Variants in TMEM132B observed in about 807,000 individuals in gnomAD.
TMEM132B encodes the protein transmembrane protein 132B.
Under a neutral mutation model 90.8 loss-of-function variants are expected in TMEM132B, and 18 were observed. The ratio of observed to expected loss-of-function variants is 0.20; its 90% CI spans 0.14 to 0.29. TMEM132B has a LOEUF of 0.29. TMEM132B is among the 10% of genes least tolerant of loss of function. The pLI, the probability that TMEM132B is intolerant of heterozygous loss-of-function variation, is 1.00. For synonymous variants in TMEM132B, 504 were observed against 523.3 expected (o/e 0.96, Z 0.50); for missense variants, 1,096 against 1,326.8 (o/e 0.83, Z 2.70).
At chr12:125,487,849 G>A (rs4765258) in intron 3 of TMEM132B, among the ~76,000 whole-genome samples, 44,027 of 151,972 alleles carry the variant, frequency 0.29, 6,655 homozygotes, top group East Asian at 0.51. Flanking sequence ...TTCAAGGCCA[G>A]TCTCACATTC....
intron 4 of TMEM132B, among the ~76,000 whole-genome samples, chr12:125,547,411 A>G (rs1884118902): frequency 6.6e-6 from 1 of 152,052 alleles, no homozygotes; most frequent in Admixed American, 6.5e-5. Context: ...ATGTCTTTTC[A>G]TGTGCTTTTG....
chr12:125,475,174 G>A (rs551358313), intron 3 of TMEM132B, among the ~76,000 whole-genome samples: 1 of 152,110 alleles, frequency 6.6e-6, no homozygotes, highest in African/African-American at 2.4e-5. Flanking sequence ...GTGTGTGTTG[G>A]GGGGAAGAGG....
intron 4 of TMEM132B, among the ~76,000 whole-genome samples, chr12:125,549,808 A>G (rs1884175263): frequency 6.6e-6 from 1 of 152,192 alleles, no homozygotes; most frequent in Non-Finnish European, 1.5e-5. Context: ...GATTTTGAAC[A>G]CCCAGTAGAC....
At chr12:125,332,927 G>C (rs887079617) in intron 1 of TMEM132B, among the ~76,000 whole-genome samples, 1 of 152,194 alleles carries the variant, frequency 6.6e-6, no homozygotes, top group South Asian at 2.1e-4. Flanking sequence ...AGACTAGCCA[G>C]GATGAATGAT....
At chr12:125,563,383 C>T (rs984924517) in intron 4 of TMEM132B, among the ~76,000 whole-genome samples, 6 of 151,886 alleles carry the variant, frequency 4.0e-5, no homozygotes, top group African/African-American at 7.2e-5. Flanking sequence ...CTGAGGTGGG[C>T]GGATCACGAG....
At position 125,186,489 on chromosome 12, in the gene TMEM132B, C is replaced by CGCGGCGGCG. The variant is rs1235218002; in HGVS notation, c.-300_-292dup. Among the ~76,000 whole-genome samples the CGCGGCGGCG allele has an allele frequency of 6.9e-6, 1 of 145,912 alleles. No homozygotes were observed. Among genetic ancestry groups the CGCGGCGGCG allele is most frequent in the Non-Finnish European group, 1.5e-5 (1 of 65,614 alleles). ...GGGACGGGCGCTGGGGCGCAGGAGC[C>CGCGGCGGCG]GCGGCGGCGGCGGCGGCGGGGGCCG... On this transcript the variant is annotated 5_prime_UTR_variant, in exon 1 of 9. Coordinates refer to ENST00000682704, the MANE Select transcript of TMEM132B (RefSeq NM_001366854.1). The surrounding 1 kb of genome is among the most constrained non-coding windows in gnomAD (Gnocchi z 6.3).
chr12:125,213,107 C>T lies in TMEM132B; in HGVS notation c.67+26241C>T, dbSNP rs1181821041. On this transcript the variant is annotated intron_variant, in intron 1 of 8. Transcript: ENST00000682704. The surrounding 1 kb of genome is among the most constrained non-coding windows in gnomAD (Gnocchi z 4.2). ...TACTGCCTTCAACCCCTGGCAAATACGCTTCTACTTTCTATTCTATGGATG... is the reference window on the plus strand; with the variant it reads ...TACTGCCTTCAACCCCTGGCAAATATGCTTCTACTTTCTATTCTATGGATG... Among the ~76,000 whole-genome samples, 3 of 152,200 alleles carry T rather than the reference C, an allele frequency of 2.0e-5. No individual in the cohort carries two copies. The highest frequency in any genetic ancestry group is 2.1e-4 in the South Asian group (1 of 4,822).
intron 4 of TMEM132B, among the ~76,000 whole-genome samples, chr12:125,568,755 G>A (rs1250156669): frequency 5.9e-5 from 9 of 152,164 alleles, no homozygotes; most frequent in East Asian, 1.9e-4. Flanking sequence ...CTAAAGAAGC[G>A]GGTGTGTAGC....
At chr12:125,296,028 G>A (rs983855110) in intron 1 of TMEM132B, among the ~76,000 whole-genome samples, 6 of 152,144 alleles carry the variant, frequency 3.9e-5, no homozygotes, top group Non-Finnish European at 8.8e-5. Context: ...AAAAAGAAAA[G>A]GTTGCCCTTG....
At chr12:125,287,680 C>G (rs7134305) in intron 1 of TMEM132B, among the ~76,000 whole-genome samples, 20,783 of 152,194 alleles carry the variant, frequency 0.14, 1,591 homozygotes, top group African/African-American at 0.2. Context: ...TGCATAGTCT[C>G]TCTCCAAAGG....
At chr12:125,448,124 C>A (rs2136442377) in intron 3 of TMEM132B, among the ~76,000 whole-genome samples, 1 of 152,128 alleles carries the variant, frequency 6.6e-6, no homozygotes, top group South Asian at 2.1e-4. Flanking sequence ...ATTAGCTGGG[C>A]ATGATGGTGG....
At chr12:125,549,458 G>A (rs1884167199) in intron 4 of TMEM132B, among the ~76,000 whole-genome samples, 2 of 152,172 alleles carry the variant, frequency 1.3e-5, no homozygotes, top group African/African-American at 4.8e-5. Context: ...AAGAAAGAAG[G>A]TAGAAAACAT....
chr12:125,454,883 G>T (rs1019981058), intron 3 of TMEM132B, among the ~76,000 whole-genome samples: 1 of 152,014 alleles, frequency 6.6e-6, no homozygotes, highest in African/African-American at 2.4e-5. Context: ...ATACTTTTTT[G>T]GTCCCTGAGA....
At chr12:125,242,149 C>T (rs1461509466) in intron 1 of TMEM132B, among the ~76,000 whole-genome samples, 1 of 152,150 alleles carries the variant, frequency 6.6e-6, no homozygotes, top group Non-Finnish European at 1.5e-5. Flanking sequence ...CCTAGTATCA[C>T]CCCCATTTTT....
chr12:125,199,087 G>A (rs567639317), intron 1 of TMEM132B, among the ~76,000 whole-genome samples: 11 of 152,366 alleles, frequency 7.2e-5, no homozygotes, highest in African/African-American at 2.4e-4. Flanking sequence ...GCAGGTGTGT[G>A]TGCTGTTTCA....
chr12:125,205,532 G>A (rs1873160946), intron 1 of TMEM132B, among the ~76,000 whole-genome samples: 1 of 152,236 alleles, frequency 6.6e-6, no homozygotes, highest in Non-Finnish European at 1.5e-5. Flanking sequence ...AGCCCTTTAT[G>A]TGGAGCATCT....
intron 5 of TMEM132B, chr12:125,622,492 A>G (rs192048117): frequency 1.0e-6 from 1 of 985,384 alleles, no homozygotes; most frequent in East Asian, 1.1e-4. Flanking sequence ...GCTGGAAAGG[A>G]CTCACAGTCA....
intron 3 of TMEM132B, among the ~76,000 whole-genome samples, chr12:125,512,494 G>T (rs561231394): frequency 1.3e-5 from 2 of 152,304 alleles, no homozygotes; most frequent in South Asian, 4.1e-4. Context: ...CAGAAATGCT[G>T]TAAAGGAACC....
At chr12:125,599,124 C>T (rs925332703) in intron 5 of TMEM132B, among the ~76,000 whole-genome samples, 1 of 152,110 alleles carries the variant, frequency 6.6e-6, no homozygotes, top group African/African-American at 2.4e-5. Context: ...ATAGGAGGGA[C>T]CTAGTGGGAG....
Sources: gnomAD v4.1 joint callset for allele counts (sites outside exome capture counted in the v4.1 genomes callset) on GRCh38, gnomAD v4.1.1 for gene constraint, Gnocchi (gnomAD v3.1) non-coding constraint, MANE v1.5 for transcripts, NCBI Gene and HGNC (gene_info 2026-07-23, HGNC 2026-07-21) for gene names.